MANBA: variants seen among roughly 807,000 people sequenced by gnomAD.
The protein encoded by MANBA is beta-mannosidase.
Under a neutral mutation model 111.1 loss-of-function variants are expected in MANBA, and 83 were observed. The ratio of observed to expected loss-of-function variants is 0.75; its 90% CI spans 0.63 to 0.90. The LOEUF is 0.90. Ranked by LOEUF, MANBA falls within the 40% of genes least tolerant of loss-of-function variation. The pLI, the probability that MANBA is intolerant of heterozygous loss-of-function variation, is 0.00. For missense variants in MANBA, 1,036 were observed against 1,069.0 expected (o/e 0.97, Z 0.43); for synonymous variants, 370 against 378.7 (o/e 0.98, Z 0.27).
At chr4:102,756,719 T>C (rs972954442) in intron 1 of MANBA, among the ~76,000 whole-genome samples, 2 of 148,782 alleles carry the variant, frequency 1.3e-5, no homozygotes, top group East Asian at 3.9e-4. Context: ...AAAAAAATAG[T>C]GGTTATCTCT....
At chr4:102,693,554 C>T (rs1056747278) in intron 5 of MANBA, among the ~76,000 whole-genome samples, 3 of 152,160 alleles carry the variant, frequency 2.0e-5, no homozygotes, top group East Asian at 1.9e-4. Context: ...ACCTTTATCT[C>T]GGACTTCCCA....
chr4:102,679,725 C>G (rs1421471696), intron 7 of MANBA: 1 of 151,996 alleles, frequency 6.6e-6, no homozygotes, highest in Admixed American at 6.6e-5. Context: ...GGAAAAACAC[C>G]TTTTATTAAT....
intron 1 of MANBA, chr4:102,728,964 A>G: frequency 2.5e-6 from 2 of 812,336 alleles, no homozygotes; most frequent in Non-Finnish European, 4.3e-6. Flanking sequence ...TGCATCCCAG[A>G]GTCCAGCTGG....
chr4:102,700,467 A>G (rs1338133240), intron 5 of MANBA, among the ~76,000 whole-genome samples: 3 of 151,502 alleles, frequency 2.0e-5, no homozygotes, highest in African/African-American at 7.3e-5. Context: ...TCAATTTTGG[A>G]TCTTTCCTGC....
intron 1 of MANBA, among the ~76,000 whole-genome samples, chr4:102,742,786 C>A (rs1421091426): frequency 1.3e-5 from 2 of 152,214 alleles, no homozygotes; most frequent in East Asian, 3.8e-4. Context: ...CCAGTGAGAA[C>A]AAACCTCTGC....
Position 102,733,721 on chromosome 4 carries a change from C to T in MANBA, c.178-7038G>A, listed in dbSNP as rs1409441069. 2.0e-5 allele frequency among the ~76,000 whole-genome samples: 3 copies of T among 152,324 alleles called. No homozygotes were observed. The South Asian group carries it at 6.2e-4, about 32-fold the overall frequency. ...CTGAAGTAATCTGATGTTAATCAAT[C>T]AGTTTTTTTCCTACTGTTCTGTTTC... On this transcript the variant is annotated intron_variant, in intron 1 of 16. Transcript: ENST00000647097.
In MANBA at chr4:102,674,029, T is replaced by C. The variant is rs765692980; in HGVS notation, c.1002A>G (p.Lys334=). The change falls in exon 8 of 17, where the codon AAA becomes AAG. Residue 334 remains lysine, a synonymous_variant. Transcript: ENST00000647097. ...AATAGAAACTCAAACCAGGAGACCC[T>C]TTTATAGGCTCTTCTATAAGTTCCA... ...RTVELIEEPI[K]GSPGLSFYFK... The C allele has an allele frequency of 3.1e-6, 5 of 1,602,636 alleles. No homozygotes were observed. The highest frequency in any genetic ancestry group is 1.7e-6 in the Non-Finnish European group (2 of 1,169,672).
chr4:102,664,498 G>A (rs1291868661), intron 11 of MANBA, among the ~76,000 whole-genome samples, 187 bp downstream of exon 11: 4 of 152,082 alleles, frequency 2.6e-5, no homozygotes, highest in African/African-American at 7.2e-5. Flanking sequence ...ACAGGCGCCC[G>A]CCACCGCGCC....
At chr4:102,732,736 G>A (rs550442915) in intron 1 of MANBA, among the ~76,000 whole-genome samples, 3 of 152,234 alleles carry the variant, frequency 2.0e-5, no homozygotes, top group East Asian at 3.9e-4. Context: ...CACAGGACTC[G>A]GCCTCTCCAA....
At chr4:102,749,474 G>C (rs927620018) in intron 1 of MANBA, among the ~76,000 whole-genome samples, 3 of 152,202 alleles carry the variant, frequency 2.0e-5, no homozygotes, top group Non-Finnish European at 2.9e-5. Context: ...GGTGCTTTTA[G>C]TGGCATATTT....
At chr4:102,681,828 G>A (rs1435936565) in intron 7 of MANBA, among the ~76,000 whole-genome samples, 1 of 152,098 alleles carries the variant, frequency 6.6e-6, no homozygotes, top group Non-Finnish European at 1.5e-5. Context: ...GAATCTTCAT[G>A]TATCCGGGAA....
chr4:102,752,343 C>A, intron 1 of MANBA: 1 of 1,362,882 alleles, frequency 7.3e-7, no homozygotes, highest in Non-Finnish European at 1.0e-6. Context: ...ATAGGCATAC[C>A]AGACTGTGGG....
chr4:102,753,848 C>T (rs1183741493), intron 1 of MANBA: 5 of 367,574 alleles, frequency 1.4e-5, no homozygotes, highest in East Asian at 1.1e-4. Flanking sequence ...TTTGACAGGC[C>T]GAGGTGGGCG....
At chr4:102,673,236 G>A (rs1313042347) in intron 8 of MANBA, among the ~76,000 whole-genome samples, 2 of 152,210 alleles carry the variant, frequency 1.3e-5, no homozygotes, top group African/African-American at 4.8e-5. Flanking sequence ...GGTTGGCCCG[G>A]TGGCTTACGC....
intron 7 of MANBA, among the ~76,000 whole-genome samples, chr4:102,685,379 A>G (rs1052423229): frequency 1.3e-5 from 2 of 152,166 alleles, no homozygotes; most frequent in African/African-American, 2.4e-5. Context: ...TTCACCCTAA[A>G]ACTCCACTGA....
intron 4 of MANBA, among the ~76,000 whole-genome samples, chr4:102,714,924 A>C (rs1459975486): frequency 6.6e-6 from 1 of 152,192 alleles, no homozygotes; most frequent in African/African-American, 2.4e-5. Flanking sequence ...GCCTCATTTT[A>C]TCTTAATCAC....
chr4:102,678,167 C>G (rs1009594285), intron 7 of MANBA, among the ~76,000 whole-genome samples: 2 of 152,102 alleles, frequency 1.3e-5, no homozygotes, highest in Non-Finnish European at 2.9e-5. Context: ...TGCAAATGTT[C>G]TTATAAAAAG....
chr4:102,748,823 G>A (rs1723679500), intron 1 of MANBA, among the ~76,000 whole-genome samples: 1 of 152,046 alleles, frequency 6.6e-6, no homozygotes, highest in Admixed American at 6.5e-5. Context: ...TGAGGCAGGA[G>A]AATCACTTGA....
At chr4:102,690,915 C>G (rs1425271562) in intron 5 of MANBA, 144 bp from the exon 6 acceptor site, 1 of 245,512 alleles carries the variant, frequency 4.1e-6, no homozygotes, top group Non-Finnish European at 7.4e-6. Flanking sequence ...ATAATCAAAA[C>G]TTCGTGGAAA....
Sources: allele counts gnomAD v4.1 joint callset (sites outside exome capture counted in the v4.1 genomes callset), GRCh38; gene constraint gnomAD v4.1.1; transcripts MANE v1.5; gene names NCBI Gene and HGNC (gene_info 2026-07-23, HGNC 2026-07-21).